The following TMEM8B variants were observed in gnomAD, a reference collection of about 807,000 sequenced individuals.
TMEM8B encodes nasopharyngeal carcinoma expressed 6.
In TMEM8B, 29 loss-of-function variants were observed where a neutral mutation model predicts 49.3. The observed-to-expected ratio is 0.59, with a 90% CI of 0.44 to 0.80. The LOEUF (loss-of-function observed/expected upper bound fraction) is 0.80, where lower values mean the gene tolerates loss of function less well. Ranked by LOEUF, TMEM8B falls within the 30% of genes least tolerant of loss-of-function variation. The pLI, the probability that TMEM8B is intolerant of heterozygous loss-of-function variation, is 0.00. For missense variants in TMEM8B, 575 were observed against 658.5 expected (o/e 0.87, Z 1.39); for synonymous variants, 264 against 272.8 (o/e 0.97, Z 0.32).
At chr9:35,833,959 G>T (rs1053996233) in intron 1 of TMEM8B, among the ~76,000 whole-genome samples, 18 of 151,688 alleles carry the variant, frequency 1.2e-4, no homozygotes, top group Admixed American at 6.6e-5. Flanking sequence ...AAGTTACACA[G>T]TTCCATGCTG....
In TMEM8B at chr9:35,856,949, C is replaced by A. The variant is rs563079069; in HGVS notation, c.*3109C>A. ...GCTGAACCAGGCCTGTCTCCAGGCT[C>A]CCAAAATGGGAATCCTTGGTTGTCT... On this transcript the variant is annotated 3_prime_UTR_variant, in exon 13 of 13. Transcript: ENST00000643932. The A allele has an allele frequency of 1.3e-5, 2 of 152,272 alleles. No individual in the cohort carries two copies. The highest frequency in any genetic ancestry group is 4.8e-5 in the African/African-American group (2 of 41,542). 9.4% of individuals were successfully genotyped at this position (152,272 alleles called of 1,614,324 possible). A position where few individuals can be genotyped will look rare whatever the true frequency, so the allele number is the denominator to read the frequency against.
chr9:35,862,617 CT>C lies in TMEM8B; in HGVS notation c.*8781del, dbSNP rs1832671581. ...GCAGCCTCATCAGACCACTCCCTGTCTTTTGGACAAAGCCTGTGTGCTCCAG... is the reference window on the plus strand; with the variant it reads ...GCAGCCTCATCAGACCACTCCCTGTCTTTGGACAAAGCCTGTGTGCTCCAG... On this transcript the variant is annotated 3_prime_UTR_variant, in exon 13 of 13. Coordinates refer to ENST00000643932, the MANE Select transcript of TMEM8B (RefSeq NM_001042590.4). The C allele has an allele frequency of 6.6e-6, 1 of 152,372 alleles. No individual in the cohort carries two copies. The highest frequency in any genetic ancestry group is 2.1e-4 in the South Asian group (1 of 4,840). 9.4% of individuals were successfully genotyped at this position (152,372 alleles called of 1,614,324 possible).
chr9:35,830,059 G>A, intron 1 of TMEM8B, 104 bp downstream of exon 1: 1 of 406,394 alleles, frequency 2.5e-6, no homozygotes, highest in Non-Finnish European at 4.4e-6. Context: ...CTAGATCATT[G>A]GGGAGCAAGT....
At chr9:35,838,806 C>T (rs1019448144) in intron 3 of TMEM8B, among the ~76,000 whole-genome samples, 12 of 152,198 alleles carry the variant, frequency 7.9e-5, no homozygotes, top group African/African-American at 2.9e-4. Flanking sequence ...AATTAAATGC[C>T]CCAAATCCTT....
rs1282184605 is a variant in TMEM8B, at chr9:35,841,365, C to A, written c.1040+98C>A. The A allele has an allele frequency of 7.2e-6, 3 of 414,050 alleles. No individual in the cohort carries two copies. Among genetic ancestry groups the A allele is most frequent in the South Asian group, 1.3e-4 (1 of 7,646 alleles). 25.6% of individuals were successfully genotyped at this position (414,050 alleles called of 1,614,324 possible). ...TGGCTTCTCCACCTACCTGCCTGGT[C>A]CCTGGGTGGGATCCCTGCCTCCCTC... On this transcript the variant is annotated intron_variant, in intron 4 of 12. Transcript: ENST00000643932. This position sits in a 1 kb window ranked among gnomAD's most constrained non-coding sequence, Gnocchi z 5.9.
At chr9:35,850,408 ACTT>A (rs1264241373) in intron 10 of TMEM8B, among the ~76,000 whole-genome samples, 1 of 152,098 alleles carries the variant, frequency 6.6e-6, no homozygotes, top group Non-Finnish European at 1.5e-5. Flanking sequence ...TGTCACTTCT[ACTT>A]CTTTTTATTG....
intron 6 of TMEM8B, 145 bp from the exon 7 acceptor site, chr9:35,845,830 G>A: frequency 1.3e-6 from 2 of 1,535,460 alleles, no homozygotes; most frequent in South Asian, 2.5e-5. Flanking sequence ...GAGAATGGAG[G>A]TGAGAGAGCA....
intron 3 of TMEM8B, among the ~76,000 whole-genome samples, chr9:35,836,178 G>A (rs1830430717): frequency 6.6e-6 from 1 of 152,214 alleles, no homozygotes; most frequent in Non-Finnish European, 1.5e-5. Flanking sequence ...TCAGAGATGG[G>A]AAGTAGGGCT....
At chr9:35,843,474 C>G (rs1220549908) in intron 6 of TMEM8B, among the ~76,000 whole-genome samples, 19 of 152,268 alleles carry the variant, frequency 1.2e-4, no homozygotes, top group Non-Finnish European at 2.6e-4. Flanking sequence ...GGTCATACTT[C>G]TAGTGGTCAC....
At chr9:35,849,199 A>G (rs1355463763) in intron 10 of TMEM8B, among the ~76,000 whole-genome samples, 3 of 152,200 alleles carry the variant, frequency 2.0e-5, no homozygotes, top group Admixed American at 1.3e-4. Flanking sequence ...TGCAGTTGTC[A>G]GTACTAGGAC....
Position 35,853,092 on chromosome 9 carries a change from T to A in TMEM8B, c.2323-49T>A. ...CATGATTCTGACCCAGGCCCTGGAG[T>A]GCTGTCTGTCACCTGGCCCTAGCCC... On this transcript the variant is annotated intron_variant, in intron 11 of 12. Coordinates refer to ENST00000643932, the MANE Select transcript of TMEM8B (RefSeq NM_001042590.4). This position sits in a 1 kb window ranked among gnomAD's most constrained non-coding sequence, Gnocchi z 4.2. 2 of 1,607,714 alleles carry A rather than the reference T, an allele frequency of 1.2e-6. No individual in the cohort carries two copies. Among genetic ancestry groups the A allele is most frequent in the South Asian group, 1.1e-5 (1 of 90,912 alleles).
intron 3 of TMEM8B, among the ~76,000 whole-genome samples, chr9:35,838,037 G>T (rs777349957): frequency 6.6e-6 from 1 of 152,148 alleles, no homozygotes; most frequent in Non-Finnish European, 1.5e-5. Flanking sequence ...TGAAGAAGTC[G>T]ACTGTACAGG....
Position 35,846,535 on chromosome 9 carries a change from C to A in TMEM8B, c.1920C>A (p.Asp640Glu). Residue 640 changes from aspartate (D) to glutamate (E), a missense_variant, in exon 9 of 13, where the codon GAC (aspartate) becomes GAA (glutamate). Coordinates refer to ENST00000643932, the MANE Select transcript of TMEM8B (RefSeq NM_001042590.4). ...GCACCTTCCTGTCCCCATGCGTGGACGACTGCGGGCCCTACGGCCAGTGCA... is the reference window on the plus strand; with the variant it reads ...GCACCTTCCTGTCCCCATGCGTGGAAGACTGCGGGCCCTACGGCCAGTGCA... ...RMRTFLSPCV[D>E]DCGPYGQCKL... 3.8e-6 allele frequency: 6 copies of A among 1,582,948 alleles called. No individual in the cohort carries two copies. Among genetic ancestry groups the A allele is most frequent in the Non-Finnish European group, 5.2e-6 (6 of 1,164,442 alleles).
rs1832531357 is a variant in TMEM8B at position 35,856,033 on chromosome 9, G to T, written c.*2193G>T. On this transcript the variant is annotated 3_prime_UTR_variant, in exon 13 of 13. Coordinates refer to ENST00000643932, the MANE Select transcript of TMEM8B (RefSeq NM_001042590.4). ...ACAGAAGGCTCTGAAGTGGGAGACG[G>T]AGCTGGGGTGCATCCCTCCCAGTGA... 1 of 152,238 alleles carries T rather than the reference G, an allele frequency of 6.6e-6. No individual in the cohort carries two copies. Among genetic ancestry groups the T allele is most frequent in the South Asian group, 2.1e-4 (1 of 4,826 alleles). The allele number at this position is 152,238 out of a possible 1,614,324, so 9.4% of individuals were successfully genotyped here. A position where few individuals can be genotyped will look rare whatever the true frequency, so the allele number is the denominator to read the frequency against.
Position 35,862,787 on chromosome 9 carries a change from G to A in TMEM8B, c.*8947G>A, listed in dbSNP as rs1426828819. 6.6e-6 allele frequency: 1 copy of A among 152,090 alleles called. No homozygotes were observed. The highest frequency in any genetic ancestry group is 2.4e-5 in the African/African-American group (1 of 41,400). The allele number at this position is 152,090 out of a possible 1,614,324, so 9.4% of individuals were successfully genotyped here. ...AAACTGACCACCCGGACAACAAGAT[G>A]GTCACACAGCTATTAGTGGAGGTTA... On this transcript the variant is annotated 3_prime_UTR_variant, in exon 13 of 13. Transcript: ENST00000643932.
Position 35,841,893 on chromosome 9 carries a change from C to G in TMEM8B, c.1309+99C>G. On this transcript the variant is annotated intron_variant, in intron 5 of 12. Transcript: ENST00000643932. The surrounding 1 kb of genome is among the most constrained non-coding windows in gnomAD (Gnocchi z 5.9). ...GTGGCCCTCTGCCATATCCCTACAACCTCCCCTCCCCATCCCAAGCTCCTT... is the reference window on the plus strand; with the variant it reads ...GTGGCCCTCTGCCATATCCCTACAAGCTCCCCTCCCCATCCCAAGCTCCTT... 2.4e-6 allele frequency: 1 copy of G among 412,668 alleles called. No individual in the cohort carries two copies. 25.6% of individuals were successfully genotyped at this position (412,668 alleles called of 1,614,324 possible). A position where few individuals can be genotyped will look rare whatever the true frequency, so the allele number is the denominator to read the frequency against.
chr9:35,856,566 G>T lies in TMEM8B; in HGVS notation c.*2726G>T, dbSNP rs570686918. ...TTGGGGTTTTGATGGCTGGGGCAGA[G>T]GATGGACTTTGGGAGACCTTGGAGG... On this transcript the variant is annotated 3_prime_UTR_variant, in exon 13 of 13. Transcript: ENST00000643932. 1.3e-5 allele frequency: 2 copies of T among 152,252 alleles called. No homozygotes were observed. The highest frequency in any genetic ancestry group is 6.5e-5 in the Admixed American group (1 of 15,284). The allele number at this position is 152,252 out of a possible 1,614,324, so 9.4% of individuals were successfully genotyped here. A position where few individuals can be genotyped will look rare whatever the true frequency, so the allele number is the denominator to read the frequency against.
chr9:35,842,849 C>A lies in TMEM8B; in HGVS notation c.1635+132C>A. On this transcript the variant is annotated intron_variant, in intron 6 of 12. Coordinates refer to ENST00000643932, the MANE Select transcript of TMEM8B (RefSeq NM_001042590.4). This position sits in a 1 kb window ranked among gnomAD's most constrained non-coding sequence, Gnocchi z 5.6. ...TCCCACCCATCCTGACAATTAGGGA[C>A]CATGGCTCAGCCCAATTCTGGTCAA... The A allele has an allele frequency of 3.2e-6, 3 of 930,498 alleles. No homozygotes were observed. The highest frequency in any genetic ancestry group is 1.7e-5 in the African/African-American group (1 of 60,014). 57.6% of individuals were successfully genotyped at this position (930,498 alleles called of 1,614,324 possible).
rs1289268392 is a variant in TMEM8B at position 35,841,241 on chromosome 9, C to T, written c.1014C>T (p.Ser338=). 7 of 416,072 alleles carry T rather than the reference C, an allele frequency of 1.7e-5. No homozygotes were observed. Among genetic ancestry groups the T allele is most frequent in the Non-Finnish European group, 3.1e-5 (7 of 226,758 alleles). The allele number at this position is 416,072 out of a possible 1,614,324, so 25.8% of individuals were successfully genotyped here. A position where few individuals can be genotyped will look rare whatever the true frequency, so the allele number is the denominator to read the frequency against. The change falls in exon 4 of 13, where the codon TCC becomes TCT. Residue 338 remains serine (S), a synonymous_variant. Transcript: ENST00000643932. The surrounding 1 kb of genome is among the most constrained non-coding windows in gnomAD (Gnocchi z 5.9). ...VPGRPSEQTL[S]PHNRSALYKV... is the part of the protein sequence containing the mutation. ...GCCGGCCCTCAGAGCAAACCCTCTC[C>T]CCACACAATCGCTCAGCCCTGTACA...
Sources: allele counts gnomAD v4.1 joint callset (sites outside exome capture counted in the v4.1 genomes callset), GRCh38; gene constraint gnomAD v4.1.1; non-coding constraint Gnocchi (gnomAD v3.1); transcripts MANE v1.5; gene names NCBI Gene and HGNC (gene_info 2026-07-23, HGNC 2026-07-21).